Variants in DOP1A observed in about 807,000 individuals in gnomAD.
DOP1A encodes DOP1 leucine zipper like protein A, also known as protein DOP1A.
In DOP1A, 90 loss-of-function variants were observed where a neutral mutation model predicts 267.6. The observed-to-expected ratio is 0.34, with a 90% CI of 0.28 to 0.40. The LOEUF is 0.40. Among genes scored for constraint, DOP1A ranks in the 10% least tolerant of loss-of-function variants. The pLI, the probability that DOP1A is intolerant of heterozygous loss-of-function variation, is 1.00. For synonymous variants in DOP1A, 932 were observed against 999.1 expected (o/e 0.93, Z 1.27); for missense variants, 2,437 against 2,900.4 (o/e 0.84, Z 3.67).
At chr6:83,100,011 G>A (rs982622695) in intron 3 of DOP1A, among the ~76,000 whole-genome samples, 1 of 151,896 alleles carries the variant, frequency 6.6e-6, no homozygotes, top group African/African-American at 2.4e-5. Context: ...TCAAACTAAA[G>A]GATTACATTT....
At chr6:83,089,636 G>C (rs1019805866) in intron 1 of DOP1A, among the ~76,000 whole-genome samples, 1 of 152,270 alleles carries the variant, frequency 6.6e-6, no homozygotes, top group Admixed American at 6.5e-5. Context: ...TGATTTACTT[G>C]CATCACTTTA....
At chr6:83,136,401 C>G (rs1208488591) in intron 20 of DOP1A, among the ~76,000 whole-genome samples, 2 of 152,104 alleles carry the variant, frequency 1.3e-5, no homozygotes, top group Non-Finnish European at 2.9e-5. Context: ...GTGATGCCTT[C>G]TATACAGTGA....
intron 1 of DOP1A, among the ~76,000 whole-genome samples, chr6:83,085,788 GTTA>G: frequency 7.8e-6 from 1 of 128,674 alleles, no homozygotes; most frequent in Non-Finnish European, 1.5e-5. Flanking sequence ...TTTATGTTAT[GTTA>G]TGTTATGTTA....
chr6:83,139,716 A>G (rs1471910549), intron 21 of DOP1A, among the ~76,000 whole-genome samples: 1 of 152,164 alleles, frequency 6.6e-6, no homozygotes, highest in Non-Finnish European at 1.5e-5. Context: ...ATTGTTTAAT[A>G]TTAATATGCC....
chr6:83,147,285 T>A lies in DOP1A; in HGVS notation c.5726T>A (p.Ile1909Asn). ...VCMLQFFYAY[I>N]QRIPVPNLVD... The stretch of plus-strand genomic sequence containing the variant: ...ATGCTTCAGTTTTTCTATGCTTATA[T>A]TCAAAGGTAAGATTACTGATATTGA... The change falls in exon 26 of 39, where the codon ATT becomes AAT. Residue 1909 changes from isoleucine (I) to asparagine (N), a missense_variant. Coordinates refer to ENST00000349129, the MANE Select transcript of DOP1A (RefSeq NM_015018.4). 6.7e-7 allele frequency: 1 copy of A among 1,494,604 alleles called. No homozygotes were observed. Among genetic ancestry groups the A allele is most frequent in the Non-Finnish European group, 9.2e-7 (1 of 1,088,986 alleles). The allele number at this position is 1,494,604 out of a possible 1,614,324, so 92.6% of individuals were successfully genotyped here.
At chr6:83,142,771 T>A (rs1370598904) in intron 24 of DOP1A, among the ~76,000 whole-genome samples, 1 of 152,090 alleles carries the variant, frequency 6.6e-6, no homozygotes, top group African/African-American at 2.4e-5. Context: ...TCTACTTTTT[T>A]TGGTAGAGAT....
At chr6:83,119,629 A>G in intron 8 of DOP1A, 119 bp from the exon 9 acceptor site, 2 of 676,908 alleles carry the variant, frequency 3.0e-6, no homozygotes, top group South Asian at 1.9e-5. Context: ...GCTGACATTG[A>G]ATGGGCTACT....
At chr6:83,078,267 A>G (rs941164531) in intron 1 of DOP1A, among the ~76,000 whole-genome samples, 4 of 152,226 alleles carry the variant, frequency 2.6e-5, no homozygotes, top group African/African-American at 4.8e-5. Flanking sequence ...TAAGAAAATG[A>G]ATATCACAAT....
In DOP1A at chr6:83,151,676, G is replaced by A; in HGVS notation, c.5904+17G>A. The A allele has an allele frequency of 4.4e-6, 7 of 1,588,966 alleles. No homozygotes were observed. The highest frequency in any genetic ancestry group is 6.0e-6 in the Non-Finnish European group (7 of 1,172,804). ...GACCTTCAGGTAAGGCAGTCTAAGAGCTGTTGCCAAAACTGTTTCTCAGTG... is the reference window on the plus strand; with the variant it reads ...GACCTTCAGGTAAGGCAGTCTAAGAACTGTTGCCAAAACTGTTTCTCAGTG... On this transcript the variant is annotated intron_variant, in intron 28 of 38. Coordinates refer to ENST00000349129, the MANE Select transcript of DOP1A (RefSeq NM_015018.4).
At chr6:83,156,781 C>T (rs946670132) in intron 34 of DOP1A, among the ~76,000 whole-genome samples, 5 of 152,190 alleles carry the variant, frequency 3.3e-5, no homozygotes, top group African/African-American at 4.8e-5. Flanking sequence ...GTTTCCTAAC[C>T]TTTTACGCCT....
intron 24 of DOP1A, among the ~76,000 whole-genome samples, chr6:83,142,883 T>C (rs1302303788): frequency 6.6e-6 from 1 of 152,142 alleles, no homozygotes; most frequent in Non-Finnish European, 1.5e-5. Flanking sequence ...TGAAAACAAA[T>C]CATGGCACAT....
intron 38 of DOP1A, chr6:83,166,746 A>C: frequency 8.9e-7 from 1 of 1,127,582 alleles, no homozygotes; most frequent in South Asian, 3.9e-5. Context: ...CACATAGAAG[A>C]AAATAAGCTG....
In DOP1A at chr6:83,142,123, G is replaced by T. The variant is rs1779747490; in HGVS notation, c.5541+77G>T. The T allele has an allele frequency of 7.8e-6, 12 of 1,534,924 alleles. No homozygotes were observed. The South Asian group carries it at 1.2e-4, about 16-fold the overall frequency. On this transcript the variant is annotated intron_variant, in intron 24 of 38. Transcript: ENST00000349129. ...GCTAATTTCCACTTCTCCATATATT[G>T]CAGTGGGGCCGGGGTAGATTCGAGT...
At position 83,096,752 on chromosome 6, in the gene DOP1A, T is replaced by C. The variant is rs960000424; in HGVS notation, c.-125T>C. 9.5e-6 allele frequency: 4 copies of C among 422,748 alleles called. No individual in the cohort carries two copies. The Admixed American group carries it at 1.6e-4, about 17-fold the overall frequency. The allele number at this position is 422,748 out of a possible 1,614,324, so 26.2% of individuals were successfully genotyped here. A position where few individuals can be genotyped will look rare whatever the true frequency, so the allele number is the denominator to read the frequency against. On this transcript the variant is annotated 5_prime_UTR_variant, in exon 2 of 39. Transcript: ENST00000349129. Reference sequence around the variant, plus strand: ...CTAGGAAGGAACACACAAGTAGTTATCTTTCAGGCTGTCTTTGAATACTTC... The same window carrying C: ...CTAGGAAGGAACACACAAGTAGTTACCTTTCAGGCTGTCTTTGAATACTTC...
intron 1 of DOP1A, among the ~76,000 whole-genome samples, chr6:83,076,150 G>A (rs1925785): frequency 0.77 from 117,486 of 152,108 alleles, 45,466 homozygotes; most frequent in Middle Eastern, 0.83. Context: ...TAACAACAAA[G>A]TAACTGAATT....
At chr6:83,166,848 G>A (rs1785814937) in intron 38 of DOP1A, 3 of 1,000,092 alleles carry the variant, frequency 3.0e-6, no homozygotes, top group Non-Finnish European at 3.6e-6. Context: ...GATCTTAGAA[G>A]GCAAACTCCA....
chr6:83,165,790 TGTC>T (rs1338451905), intron 38 of DOP1A: 1 of 287,880 alleles, frequency 3.5e-6, no homozygotes, highest in Non-Finnish European at 7.0e-6. Context: ...GGCCCAGTGT[TGTC>T]GTGAAAAGAA....
chr6:83,134,767 G>A (rs998557679), intron 19 of DOP1A, among the ~76,000 whole-genome samples: 11 of 152,194 alleles, frequency 7.2e-5, no homozygotes, highest in East Asian at 1.9e-4. Context: ...TCTGGACTAC[G>A]TAGGTGACTT....
At chr6:83,115,202 C>A (rs1226226188) in intron 7 of DOP1A, among the ~76,000 whole-genome samples, 7 of 152,104 alleles carry the variant, frequency 4.6e-5, no homozygotes, top group Admixed American at 4.6e-4. Context: ...GACTTTTTTT[C>A]ATATTAGAAA....
Sources: allele counts gnomAD v4.1 joint callset (sites outside exome capture counted in the v4.1 genomes callset), GRCh38; gene constraint gnomAD v4.1.1; transcripts MANE v1.5; gene names NCBI Gene and HGNC (gene_info 2026-07-23, HGNC 2026-07-21).